Variants in S1PR2 observed in about 807,000 individuals in gnomAD.
S1PR2 encodes the protein sphingosine-1-phosphate receptor 2, also known as sphingosine 1-phosphate receptor 2.
S1PR2 carries 9 observed loss-of-function variants against 16.1 expected under a neutral mutation model. The observed-to-expected ratio is 0.56, with a 90% CI of 0.34 to 0.98. S1PR2 has a LOEUF of 0.98. Ranked by LOEUF, S1PR2 falls within the 50% of genes least tolerant of loss-of-function variation. The probability of loss-of-function intolerance (pLI) is 0.02; values close to 1 mark genes in which losing one functional copy is unlikely to be tolerated. For synonymous variants in S1PR2, 224 were observed against 233.9 expected (o/e 0.96, Z 0.38); for missense variants, 361 against 488.4 (o/e 0.74, Z 2.46).
At chr19:10,230,276 C>G (rs1164622427) in intron 1 of S1PR2, 1 of 152,900 alleles carries the variant, frequency 6.5e-6, no homozygotes, top group African/African-American at 2.4e-5. Context: ...CTCCCCCCCG[C>G]CCCCGAGACC....
At chr19:10,230,996 G>A (rs2145447785) in intron 1 of S1PR2, among the ~76,000 whole-genome samples, 1 of 152,360 alleles carries the variant, frequency 6.6e-6, no homozygotes, top group African/African-American at 2.4e-5. Context: ...AGAAAGGCGG[G>A]GAGCACAGTC....
Position 10,224,945 on chromosome 19 carries a change from G to C in S1PR2, c.-40C>G. 6.6e-7 allele frequency: 1 copy of C among 1,509,628 alleles called. No homozygotes were observed. Among genetic ancestry groups the C allele is most frequent in the African/African-American group, 1.4e-5 (1 of 72,668 alleles). The allele number at this position is 1,509,628 out of a possible 1,614,324, so 93.5% of individuals were successfully genotyped here. On this transcript the variant is annotated splice_region_variant and 5_prime_UTR_variant, in exon 2 of 2. Coordinates refer to ENST00000646641, the MANE Select transcript of S1PR2 (RefSeq NM_004230.4). ...GCCTGCTGGGGCCATGGGGCTTTCA[G>C]AACTGCAGAGAAGACAGACAGACAG...
At position 10,224,771 on chromosome 19, in the gene S1PR2, G is replaced by T; in HGVS notation, c.135C>A (p.Cys45Ter). The change falls in exon 2 of 2, where the codon TGC (cysteine) becomes TGA (stop). Residue 45 changes from cysteine (C) to a stop codon, truncating the protein, a stop_gained. Transcript: ENST00000646641. LOFTEE classifies it high-confidence loss of function. ...CCAGAAGGTTTTCCACCACAATGGC[G>T]CAACAGAGGATGACGATGAAGGCCG... ...VASAFIVILC[C>*]AIVVENLLVL... The T allele has an allele frequency of 6.2e-7, 1 of 1,614,242 alleles. No individual in the cohort carries two copies.
Position 10,226,027 on chromosome 19 carries a change from G to T in S1PR2, c.-42-1080C>A, listed in dbSNP as rs1304825902. On this transcript the variant is annotated intron_variant, in intron 1 of 1. Coordinates refer to ENST00000646641, the MANE Select transcript of S1PR2 (RefSeq NM_004230.4). ...CCCCAAATGGCATGAAAAATATAAT[G>T]TGGACTTCCAGAAACCTTGCCCACC... 2.9e-5 allele frequency among the ~76,000 whole-genome samples: 4 copies of T among 140,208 alleles called. 1 individual carries two copies. Among genetic ancestry groups the T allele is most frequent in the Non-Finnish European group, 6.6e-5 (4 of 60,284 alleles). The allele number at this position is 140,208 out of a possible 152,430, so 92.0% of individuals were successfully genotyped here. A position where few individuals can be genotyped will look rare whatever the true frequency, so the allele number is the denominator to read the frequency against.
intron 1 of S1PR2, chr19:10,230,514 T>C (rs1174962226): frequency 6.5e-6 from 1 of 153,580 alleles, no homozygotes; most frequent in African/African-American, 2.4e-5. Context: ...GAGGAGGGGG[T>C]GGAAATCCCC....
chr19:10,224,159 G>A lies in S1PR2; in HGVS notation c.747C>T (p.Ala249=). 6.2e-7 allele frequency: 1 copy of A among 1,607,080 alleles called. No individual in the cohort carries two copies. Among genetic ancestry groups the A allele is most frequent in the Non-Finnish European group, 8.5e-7 (1 of 1,179,996 alleles). Residue 249 remains alanine (A), a synonymous_variant, in exon 2 of 2, where the codon GCC becomes GCT. Transcript: ENST00000646641. ...LGVFIVCWLP[A]FSILLLDYAC... is the part of the protein sequence containing the mutation. ...CATAGTCCAGAAGGAGGATGCTGAA[G>A]GCGGGCAGCCAGCAGACGATAAAGA...
At chr19:10,227,058 A>G (rs1263344860) in intron 1 of S1PR2, among the ~76,000 whole-genome samples, 1 of 151,090 alleles carries the variant, frequency 6.6e-6, no homozygotes, top group Non-Finnish European at 1.5e-5. Flanking sequence ...GCTCCTCGGC[A>G]GAGAGGATGA....
At chr19:10,229,530 T>C (rs2039656106) in intron 1 of S1PR2, among the ~76,000 whole-genome samples, 1 of 152,116 alleles carries the variant, frequency 6.6e-6, no homozygotes, top group Non-Finnish European at 1.5e-5. Context: ...CTTCAGGTGA[T>C]TCACCTGCCT....
At chr19:10,226,995 A>C (rs1463932546) in intron 1 of S1PR2, among the ~76,000 whole-genome samples, 1 of 59,218 alleles carries the variant, frequency 1.7e-5, no homozygotes, top group Non-Finnish European at 3.5e-5. Flanking sequence ...ATCCCCCCCC[A>C]TCGCCACCCA....
chr19:10,224,019 C>G lies in S1PR2; in HGVS notation c.887G>C (p.Arg296Pro). ...CTGCAGCGGCCGAAGCACCTCCCGC[C>G]GCAGGTCCCGGCTGCGCCACGTGTA... Reference protein sequence around the residue: ...VIYTWRSRDLRREVLRPLQCW... With the variant: ...VIYTWRSRDLPREVLRPLQCW... Residue 296 changes from arginine to proline, a missense_variant, in exon 2 of 2, where the codon CGG (arginine) becomes CCG (proline). Transcript: ENST00000646641. 6.2e-7 allele frequency: 1 copy of G among 1,612,330 alleles called. No individual in the cohort carries two copies. The highest frequency in any genetic ancestry group is 8.5e-7 in the Non-Finnish European group (1 of 1,179,322).
intron 1 of S1PR2, 42 bp from the exon 2 acceptor site, chr19:10,224,989 C>T: frequency 8.7e-7 from 1 of 1,145,558 alleles, no homozygotes; most frequent in South Asian, 1.5e-5. Context: ...TAGGTCAGAG[C>T]TGTGGCTGCT....
Position 10,224,189 on chromosome 19 carries a change from T to C in S1PR2, c.717A>G (p.Leu239=), listed in dbSNP as rs150395684. 222 of 1,611,194 alleles carry C rather than the reference T, an allele frequency of 1.4e-4. 1 individual carries two copies. In the African/African-American group the frequency reaches 2.8e-3, roughly 21 times the overall value. The change falls in exon 2 of 2, where the codon CTA becomes CTG. Residue 239 remains leucine, a synonymous_variant. Coordinates refer to ENST00000646641, the MANE Select transcript of S1PR2 (RefSeq NM_004230.4). ...GCAGCCAGCAGACGATAAAGACGCC[T>C]AGCACGATGGTGACCGTCTTGAGCA... ...LALLKTVTIV[L]GVFIVCWLPA... is the part of the protein sequence containing the mutation.
intron 1 of S1PR2, among the ~76,000 whole-genome samples, chr19:10,230,685 T>C (rs1796565553): frequency 6.6e-6 from 1 of 152,224 alleles, no homozygotes; most frequent in South Asian, 2.1e-4. Flanking sequence ...TCTCTTTCCT[T>C]ACAAAACAAA....
intron 1 of S1PR2, among the ~76,000 whole-genome samples, chr19:10,230,678 C>G (rs2039669489): frequency 6.6e-6 from 1 of 152,252 alleles, no homozygotes; most frequent in Admixed American, 6.5e-5. Context: ...GTCACTTTCT[C>G]TTTCCTTACA....
At position 10,223,887 on chromosome 19, in the gene S1PR2, A is replaced by T. The variant is rs2039610327; in HGVS notation, c.1019T>A (p.Met340Lys). 2.6e-6 allele frequency: 4 copies of T among 1,567,300 alleles called. No individual in the cohort carries two copies. In the East Asian group the frequency reaches 6.7e-5, roughly 26 times the overall value. ...SSSSLERGMH[M>K]PTSPTFLEGN... ...CTCCAGAAACGTGGGTGACGTGGGC[A>T]TGTGCATGCCCCTCTCCAGGGAGCT... The change falls in exon 2 of 2, where the codon ATG becomes AAG. Residue 340 changes from methionine (M) to lysine (K), a missense_variant. Met to Lys is a moderately conservative substitution (Grantham distance 95). Coordinates refer to ENST00000646641, the MANE Select transcript of S1PR2 (RefSeq NM_004230.4).
At position 10,225,028 on chromosome 19, in the gene S1PR2, G is replaced by A. The variant is rs1599235730; in HGVS notation, c.-42-81C>T. ...TGGGCTCTGGCCTCGGATGGGCTGA[G>A]ATTCAATTTCCTGCTCTGTTACTCT... is the stretch of plus-strand genomic sequence containing the variant. On this transcript the variant is annotated intron_variant, in intron 1 of 1. Transcript: ENST00000646641. 4 of 723,150 alleles carry A rather than the reference G, an allele frequency of 5.5e-6. No individual in the cohort carries two copies. The East Asian group carries it at 7.8e-5, about 14-fold the overall frequency. 44.8% of individuals were successfully genotyped at this position (723,150 alleles called of 1,614,324 possible).
At position 10,224,911 on chromosome 19, in the gene S1PR2, G is replaced by A; in HGVS notation, c.-6C>T. The stretch of plus-strand genomic sequence containing the variant: ...TCCGAGTACAAGCTGCCCATGGTGG[G>A]GCTCAGAGGCCTGCTGGGGCCATGG... On this transcript the variant is annotated 5_prime_UTR_variant, in exon 2 of 2. Transcript: ENST00000646641. 2 of 1,601,622 alleles carry A rather than the reference G, an allele frequency of 1.2e-6. No homozygotes were observed. Among genetic ancestry groups the A allele is most frequent in the Non-Finnish European group, 1.7e-6 (2 of 1,176,198 alleles).
In S1PR2 at chr19:10,224,897, G is replaced by C; in HGVS notation, c.9C>G (p.Ser3Arg). 1.9e-6 allele frequency: 3 copies of C among 1,608,288 alleles called. No homozygotes were observed. The highest frequency in any genetic ancestry group is 2.5e-6 in the Non-Finnish European group (3 of 1,178,894). Residue 3 changes from serine (S) to arginine (R), a missense_variant, in exon 2 of 2, where the codon AGC becomes AGG. Physicochemically the swap from Ser to Arg is moderately radical, Grantham distance 110. Transcript: ENST00000646641. Reference protein sequence around the residue: MGSLYSEYLNPNK... With the variant: MGRLYSEYLNPNK... ...TGGGGTTCAGGTACTCCGAGTACAAGCTGCCCATGGTGGGGCTCAGAGGCC... is the reference window on the plus strand; with the variant it reads ...TGGGGTTCAGGTACTCCGAGTACAACCTGCCCATGGTGGGGCTCAGAGGCC...
At position 10,221,440 on chromosome 19, in the gene S1PR2, A is replaced by T. The variant is rs2039592233; in HGVS notation, c.*2404T>A. 1 of 152,516 alleles carries T rather than the reference A, an allele frequency of 6.6e-6. No individual in the cohort carries two copies. The allele number at this position is 152,516 out of a possible 1,614,324, so 9.4% of individuals were successfully genotyped here. On this transcript the variant is annotated 3_prime_UTR_variant, in exon 2 of 2. Transcript: ENST00000646641. Reference sequence around the variant, plus strand: ...GACACACCAACCACAGGAAACAGAAATTGAACCGTTTATTAGCCTAGGTCT... The same window carrying T: ...GACACACCAACCACAGGAAACAGAATTTGAACCGTTTATTAGCCTAGGTCT...
Sources: gnomAD v4.1 joint callset for allele counts (sites outside exome capture counted in the v4.1 genomes callset) on GRCh38, gnomAD v4.1.1 for gene constraint, MANE v1.5 for transcripts, NCBI Gene and HGNC (gene_info 2026-07-23, HGNC 2026-07-21) for gene names.